Variants in SH2B3 observed in about 807,000 individuals in gnomAD.
SH2B3 encodes the protein SH2B adapter protein 3.
A neutral mutation model predicts 51.9 loss-of-function variants in SH2B3; 43 were observed. The ratio of observed to expected loss-of-function variants is 0.83; its 90% CI spans 0.65 to 1.07. The LOEUF is 1.07. Among genes scored for constraint, SH2B3 ranks in the 50% least tolerant of loss-of-function variants. SH2B3 has a pLI of 0.00. For missense variants in SH2B3, 952 were observed against 834.3 expected (o/e 1.14, Z -1.74); for synonymous variants, 396 against 376.0 (o/e 1.05, Z -0.62).
rs934145430 is a variant in SH2B3 at position 111,448,601 on chromosome 12, T to C, written c.*299T>C. The C allele has an allele frequency of 1.2e-5, 4 of 339,936 alleles. No individual in the cohort carries two copies. The highest frequency in any genetic ancestry group is 5.3e-5 in the East Asian group (1 of 18,972). 21.1% of individuals were successfully genotyped at this position (339,936 alleles called of 1,614,324 possible). The stretch of plus-strand genomic sequence containing the variant: ...TCCCCGTTACTCTTAGAGAAAGGAG[T>C]TGGGGTGAGGGCCAGAGCTGGCAGT... On this transcript the variant is annotated 3_prime_UTR_variant, in exon 8 of 8. Transcript: ENST00000341259.
At position 111,448,101 on chromosome 12, in the gene SH2B3, G is replaced by T; in HGVS notation, c.1527G>T (p.Gly509=). Residue 509 remains glycine (G), a synonymous_variant, in exon 8 of 8, where the codon GGG becomes GGT. Coordinates refer to ENST00000341259, the MANE Select transcript of SH2B3 (RefSeq NM_005475.3). ...PHLSSSGCPR[G]LSPEGLPGRS... ...TTAGTTCTTCTGGCTGTCCCCGGGGGCTCAGCCCAGAGGGTCTCCCAGGGC... is the reference window on the plus strand; with the variant it reads ...TTAGTTCTTCTGGCTGTCCCCGGGGTCTCAGCCCAGAGGGTCTCCCAGGGC... 6.2e-7 allele frequency: 1 copy of T among 1,614,008 alleles called. No individual in the cohort carries two copies. The highest frequency in any genetic ancestry group is 8.5e-7 in the Non-Finnish European group (1 of 1,179,992).
Position 111,418,594 on chromosome 12 carries a change from CG to C in SH2B3, c.451del (p.Ala151ProfsTer46), listed in dbSNP as rs1565970115. 6.7e-7 allele frequency: 1 copy of C among 1,490,906 alleles called. No individual in the cohort carries two copies. The highest frequency in any genetic ancestry group is 2.9e-5 in the East Asian group (1 of 34,002). The allele number at this position is 1,490,906 out of a possible 1,614,324, so 92.4% of individuals were successfully genotyped here. On this transcript the variant is annotated frameshift_variant, in exon 2 of 8. Coordinates refer to ENST00000341259, the MANE Select transcript of SH2B3 (RefSeq NM_005475.3). LOFTEE classifies it high-confidence loss of function. The surrounding 1 kb of genome is among the most constrained non-coding windows in gnomAD (Gnocchi z 6.7). ...CTCCGCCACATCTTCCGCCGCCGCT[CG>C]GCCGGGGAGCTGCCAGCGGCCCACA... ...RSLRHIFRRR[S>X]AGELPAAHTA...
rs1278793563 is a variant in SH2B3 at position 111,418,426 on chromosome 12, G to T, written c.281G>T (p.Arg94Leu). 9 of 1,464,812 alleles carry T rather than the reference G, an allele frequency of 6.1e-6. No individual in the cohort carries two copies. Among genetic ancestry groups the T allele is most frequent in the African/African-American group, 4.5e-5 (3 of 67,334 alleles). The allele number at this position is 1,464,812 out of a possible 1,614,324, so 90.7% of individuals were successfully genotyped here. The change falls in exon 2 of 8, where the codon CGT (arginine) becomes CTT (leucine). Residue 94 changes from arginine to leucine, a missense_variant. Arg to Leu is a moderately radical substitution (Grantham distance 102). Transcript: ENST00000341259. The surrounding 1 kb of genome is among the most constrained non-coding windows in gnomAD (Gnocchi z 6.7). Reference sequence around the variant, plus strand: ...GGCCGCGACTACCGGGACACAGGCCGTGGGCCCCCAGCCAAGGCCGAGGCG... The same window carrying T: ...GGCCGCGACTACCGGGACACAGGCCTTGGGCCCCCAGCCAAGGCCGAGGCG... ...APGRDYRDTG[R>L]GPPAKAEASP...
rs1407800045 is a variant in SH2B3 at position 111,418,001 on chromosome 12, A to G, written c.-27-118A>G. On this transcript the variant is annotated intron_variant, in intron 1 of 7. Transcript: ENST00000341259. This position sits in a 1 kb window ranked among gnomAD's most constrained non-coding sequence, Gnocchi z 6.7. ...GTGCATGTTTCCCTGCATCTTCACCAGCACTGGGTGTTATGGTCGCGTTGG... is the reference window on the plus strand; with the variant it reads ...GTGCATGTTTCCCTGCATCTTCACCGGCACTGGGTGTTATGGTCGCGTTGG... The G allele has an allele frequency of 4.2e-6, 3 of 721,570 alleles. No individual in the cohort carries two copies. Among genetic ancestry groups the G allele is most frequent in the Non-Finnish European group, 6.4e-6 (3 of 467,068 alleles). 44.7% of individuals were successfully genotyped at this position (721,570 alleles called of 1,614,324 possible).
At chr12:111,427,150 C>T (rs535061993) in intron 2 of SH2B3, among the ~76,000 whole-genome samples, 2 of 152,116 alleles carry the variant, frequency 1.3e-5, no homozygotes, top group East Asian at 1.9e-4. Context: ...CTTTGGGAGG[C>T]GAAGGCAGAT....
Position 111,429,726 on chromosome 12 carries a change from G to T in SH2B3, c.732+10849G>T, listed in dbSNP as rs937835386. The stretch of plus-strand genomic sequence containing the variant: ...AAACCCCGGAGGTGGGGACAGTGAT[G>T]AAGCCATTTCACAGCCAAGAAAACT... On this transcript the variant is annotated intron_variant, in intron 2 of 7. Coordinates refer to ENST00000341259, the MANE Select transcript of SH2B3 (RefSeq NM_005475.3). This position sits in a 1 kb window ranked among gnomAD's most constrained non-coding sequence, Gnocchi z 4.4. Among the ~76,000 whole-genome samples the T allele has an allele frequency of 6.6e-6, 1 of 152,240 alleles. No individual in the cohort carries two copies. Among genetic ancestry groups the T allele is most frequent in the Non-Finnish European group, 1.5e-5 (1 of 68,044 alleles).
intron 2 of SH2B3, among the ~76,000 whole-genome samples, chr12:111,421,171 C>T (rs1250085056): frequency 6.6e-6 from 1 of 152,100 alleles, no homozygotes; most frequent in East Asian, 1.9e-4. Context: ...GAGACAGGGT[C>T]TCACTGTGTC....
intron 2 of SH2B3, among the ~76,000 whole-genome samples, chr12:111,445,189 G>A (rs1216807752): frequency 6.6e-6 from 1 of 152,182 alleles, no homozygotes; most frequent in African/African-American, 2.4e-5. Flanking sequence ...GGGAGACTAG[G>A]CCCGTTCCCC....
In SH2B3 at chr12:111,435,110, C is replaced by G; in HGVS notation, c.733-11643C>G. The stretch of plus-strand genomic sequence containing the variant: ...TCTCCTCTGGTGCACTCTCCCCACC[C>G]GAGACGGGCGACAGAGGTTTTTTGT... On this transcript the variant is annotated intron_variant, in intron 2 of 7. Coordinates refer to ENST00000341259, the MANE Select transcript of SH2B3 (RefSeq NM_005475.3). This position sits in a 1 kb window ranked among gnomAD's most constrained non-coding sequence, Gnocchi z 4.8. 1.8e-6 allele frequency: 2 copies of G among 1,099,794 alleles called. No individual in the cohort carries two copies. The highest frequency in any genetic ancestry group is 1.3e-6 in the Non-Finnish European group (1 of 772,956). The allele number at this position is 1,099,794 out of a possible 1,614,324, so 68.1% of individuals were successfully genotyped here.
At chr12:111,408,452 C>T (rs941895926) in intron 1 of SH2B3, among the ~76,000 whole-genome samples, 5 of 151,260 alleles carry the variant, frequency 3.3e-5, no homozygotes, top group East Asian at 1.9e-4. Context: ...CCTCCTTCTC[C>T]GATAAATAGA....
At chr12:111,447,952 T>C (rs781688124) in intron 7 of SH2B3, 31 bp from the exon 8 acceptor site, 14 of 1,567,080 alleles carry the variant, frequency 8.9e-6, no homozygotes, top group Non-Finnish European at 9.6e-6. Flanking sequence ...TCAAGACTGA[T>C]GGTGTGGTCT....
rs1565977452 is a variant in SH2B3, at chr12:111,429,048, A to AGGAGGAG, written c.732+10172_732+10173insGAGGAGG. Among the ~76,000 whole-genome samples, 99 of 125,196 alleles carry AGGAGGAG rather than the reference A, an allele frequency of 7.9e-4. 1 individual carries two copies. Among genetic ancestry groups the AGGAGGAG allele is most frequent in the Admixed American group, 1.2e-3 (15 of 12,596 alleles). The allele number at this position is 125,196 out of a possible 152,430, so 82.1% of individuals were successfully genotyped here. A position where few individuals can be genotyped will look rare whatever the true frequency, so the allele number is the denominator to read the frequency against. ...AGGAGGAGGAGGAGGAGGAGGAGGAAGAGGAGGAGGAGGAGGAGGAGGGAC... is the reference window on the plus strand; with the variant it reads ...AGGAGGAGGAGGAGGAGGAGGAGGAAGGAGGAGGAGGAGGAGGAGGAGGAGGAGGGAC... On this transcript the variant is annotated intron_variant, in intron 2 of 7. Coordinates refer to ENST00000341259, the MANE Select transcript of SH2B3 (RefSeq NM_005475.3). The surrounding 1 kb of genome is among the most constrained non-coding windows in gnomAD (Gnocchi z 4.4).
rs968663143 is a variant in SH2B3 at position 111,435,628 on chromosome 12, G to A, written c.733-11125G>A. 1.3e-5 allele frequency among the ~76,000 whole-genome samples: 2 copies of A among 152,136 alleles called. No homozygotes were observed. The highest frequency in any genetic ancestry group is 2.9e-5 in the Non-Finnish European group (2 of 68,024). On this transcript the variant is annotated intron_variant, in intron 2 of 7. Coordinates refer to ENST00000341259, the MANE Select transcript of SH2B3 (RefSeq NM_005475.3). The surrounding 1 kb of genome is among the most constrained non-coding windows in gnomAD (Gnocchi z 4.8). ...CCCATCTTGACCTCCCAAAGTGCTC[G>A]TTACAGGCGTGAACAACCCCCACCC...
intron 2 of SH2B3, among the ~76,000 whole-genome samples, chr12:111,426,779 A>G (rs1223572788): frequency 6.6e-6 from 1 of 152,130 alleles, no homozygotes; most frequent in Admixed American, 6.5e-5. Context: ...GCTGGAGTTC[A>G]CTGACCCATT....
intron 1 of SH2B3, among the ~76,000 whole-genome samples, chr12:111,412,759 T>C (rs1467167326): frequency 6.6e-6 from 1 of 151,978 alleles, no homozygotes; most frequent in Non-Finnish European, 1.5e-5. Context: ...ATAGTAGACA[T>C]AGGGTTTCAT....
Position 111,406,386 on chromosome 12 carries a change from G to C in SH2B3, c.-28+109G>C, listed in dbSNP as rs1046852457. ...GCCCGGGCTCTGCGCGTCACCCCCA[G>C]CCCAAAATACTGCCCTGCAGCCAAC... On this transcript the variant is annotated intron_variant, in intron 1 of 7. Coordinates refer to ENST00000341259, the MANE Select transcript of SH2B3 (RefSeq NM_005475.3). The surrounding 1 kb of genome is among the most constrained non-coding windows in gnomAD (Gnocchi z 5.7). 6.6e-6 allele frequency: 1 copy of C among 152,316 alleles called. No individual in the cohort carries two copies. Among genetic ancestry groups the C allele is most frequent in the African/African-American group, 2.4e-5 (1 of 41,464 alleles). The allele number at this position is 152,316 out of a possible 1,614,324, so 9.4% of individuals were successfully genotyped here. A position where few individuals can be genotyped will look rare whatever the true frequency, so the allele number is the denominator to read the frequency against.
At chr12:111,422,075 GTGTTT>G (rs1871604892) in intron 2 of SH2B3, among the ~76,000 whole-genome samples, 1 of 152,160 alleles carries the variant, frequency 6.6e-6, no homozygotes, top group Non-Finnish European at 1.5e-5. Context: ...GGGTTTTTTT[GTGTTT>G]TGTTTTGTTT....
chr12:111,447,348 T>G lies in SH2B3; in HGVS notation c.1040T>G (p.Leu347Arg), dbSNP rs1223657947. 1 of 1,613,988 alleles carries G rather than the reference T, an allele frequency of 6.2e-7. No homozygotes were observed. The highest frequency in any genetic ancestry group is 1.7e-5 in the Admixed American group (1 of 60,010). The change falls in exon 6 of 8, where the codon CTG becomes CGG. Residue 347 changes from leucine to arginine, a missense_variant. Physicochemically the swap from Leu to Arg is moderately radical, Grantham distance 102. Transcript: ENST00000341259. The part of the protein sequence containing the change: ...SLNQGASPGG[L>R]LDPACQKTDH... ...CTAACAGGTGCTTCTCCTGGGGGGC[T>G]GCTGGACCCGGCCTGCCAGAAGACG...
intron 2 of SH2B3, among the ~76,000 whole-genome samples, chr12:111,445,642 C>T (rs1449608233): frequency 1.3e-5 from 2 of 152,258 alleles, no homozygotes; most frequent in African/African-American, 4.8e-5. Flanking sequence ...CCAACCAGAG[C>T]AGGCCCGGGA....
Sources: allele counts gnomAD v4.1 joint callset (sites outside exome capture counted in the v4.1 genomes callset), GRCh38; gene constraint gnomAD v4.1.1; non-coding constraint Gnocchi (gnomAD v3.1); transcripts MANE v1.5; gene names NCBI Gene and HGNC (gene_info 2026-07-23, HGNC 2026-07-21).